Variants in ANXA13 observed in about 807,000 individuals in gnomAD.
ANXA13 encodes annexin A13.
ANXA13 carries 36 observed loss-of-function variants against 46.6 expected under a neutral mutation model. The observed-to-expected ratio is 0.77, with a 90% CI of 0.59 to 1.02. The LOEUF (loss-of-function observed/expected upper bound fraction) is 1.02. Ranked by LOEUF, ANXA13 falls within the 50% of genes least tolerant of loss-of-function variation. ANXA13 has a pLI of 0.00. For synonymous variants in ANXA13, 163 were observed against 152.9 expected (o/e 1.07, Z -0.49); for missense variants, 417 against 396.5 (o/e 1.05, Z -0.44).
At chr8:123,726,463 G>A (rs1813995574) in intron 1 of ANXA13, among the ~76,000 whole-genome samples, 2 of 152,232 alleles carry the variant, frequency 1.3e-5, no homozygotes, top group Non-Finnish European at 2.9e-5. Flanking sequence ...ATCCTGCCAT[G>A]CACTGAGCTG....
intron 1 of ANXA13, chr8:123,735,614 A>G (rs1814243152): frequency 9.0e-7 from 1 of 1,112,330 alleles, no homozygotes; most frequent in Non-Finnish European, 1.2e-6. Context: ...GCAGGGAAAG[A>G]TTTCCCTGCT....
At chr8:123,684,972 G>T (rs925593546) in intron 9 of ANXA13, among the ~76,000 whole-genome samples, 11 of 152,180 alleles carry the variant, frequency 7.2e-5, no homozygotes, top group Non-Finnish European at 1.5e-5. Flanking sequence ...TGGCATCCTC[G>T]GGCCCTCCCG....
chr8:123,693,012 C>A (rs1230276101), intron 8 of ANXA13, among the ~76,000 whole-genome samples, 185 bp downstream of exon 8: 1 of 152,194 alleles, frequency 6.6e-6, no homozygotes, highest in Non-Finnish European at 1.5e-5. Context: ...CCACCACCCC[C>A]AGCTGTGACA....
rs753560730 is a variant in ANXA13 at position 123,684,676 on chromosome 8, G to A, written c.765C>T (p.Tyr255=). ...CGGTCCCCGCACCCTTCATCGACTT[G>A]TACAGACGTTCAGCAAAATAGTCCT... ...DCEDYFAERL[Y]KSMKGAGTDE... is the part of the protein sequence containing the mutation. The change falls in exon 10 of 11, where the codon TAC becomes TAT. Residue 255 remains tyrosine (Y), a synonymous_variant. Coordinates refer to ENST00000419625, the MANE Select transcript of ANXA13 (RefSeq NM_004306.4). 54 of 1,614,046 alleles carry A rather than the reference G, an allele frequency of 3.3e-5. No homozygotes were observed. Among genetic ancestry groups the A allele is most frequent in the Non-Finnish European group, 4.2e-5 (50 of 1,180,018 alleles).
chr8:123,734,389 C>T lies in ANXA13; in HGVS notation c.15+2931G>A, dbSNP rs563743265. On this transcript the variant is annotated intron_variant, in intron 1 of 10. Transcript: ENST00000419625. Reference sequence around the variant, plus strand: ...CTGTGTACACTCTACCTGCAAAGCTCACTGGACACAAGGACATGTCCTCCA... The same window carrying T: ...CTGTGTACACTCTACCTGCAAAGCTTACTGGACACAAGGACATGTCCTCCA... Among the ~76,000 whole-genome samples, 51 of 152,250 alleles carry T rather than the reference C, an allele frequency of 3.3e-4. 1 individual carries two copies. Among genetic ancestry groups the T allele is most frequent in the South Asian group, 6.2e-4 (3 of 4,820 alleles).
In ANXA13 at chr8:123,690,637, C is replaced by T. The variant is rs1011211271; in HGVS notation, c.643-1691G>A. On this transcript the variant is annotated intron_variant, in intron 8 of 10. Transcript: ENST00000419625. This position sits in a 1 kb window ranked among gnomAD's most constrained non-coding sequence, Gnocchi z 4.6. ...ACGTGATTCTTAGGGGCTCTTTGTACAGAAGCAGATTTTCTGATCTCAGTA... is the reference window on the plus strand; with the variant it reads ...ACGTGATTCTTAGGGGCTCTTTGTATAGAAGCAGATTTTCTGATCTCAGTA... Among the ~76,000 whole-genome samples, 3 of 152,200 alleles carry T rather than the reference C, an allele frequency of 2.0e-5. No homozygotes were observed. Among genetic ancestry groups the T allele is most frequent in the African/African-American group, 7.2e-5 (3 of 41,458 alleles).
intron 9 of ANXA13, 132 bp downstream of exon 9, chr8:123,688,739 C>G (rs1192307853): frequency 2.6e-6 from 2 of 757,080 alleles, no homozygotes; most frequent in East Asian, 5.2e-5. Flanking sequence ...CACTCTCTCT[C>G]TTGCTCAGTG....
intron 1 of ANXA13, among the ~76,000 whole-genome samples, chr8:123,722,196 A>G (rs1813887458): frequency 6.6e-6 from 1 of 151,956 alleles, no homozygotes; most frequent in Non-Finnish European, 1.5e-5. Flanking sequence ...AGTCCCAGCT[A>G]CTTGGGAGGC....
Position 123,708,536 on chromosome 8 carries a change from G to A in ANXA13, c.91+4142C>T, listed in dbSNP as rs186710536. 3.8e-4 allele frequency among the ~76,000 whole-genome samples: 58 copies of A among 152,302 alleles called. No homozygotes were observed. The East Asian group carries it at 7.1e-3, about 19-fold the overall frequency. On this transcript the variant is annotated intron_variant, in intron 2 of 10. Transcript: ENST00000419625. ...TCTTCTGCTAGCACTGCTGGGCCGC[G>A]CAGTCCCTCATTTCTCCTTTGGAAA...
intron 1 of ANXA13, among the ~76,000 whole-genome samples, chr8:123,730,340 C>T (rs192090628): frequency 3.3e-5 from 5 of 152,240 alleles, no homozygotes; most frequent in Non-Finnish European, 5.9e-5. Flanking sequence ...ACCAACATCA[C>T]CAGGGAACTC....
At chr8:123,737,153 A>C (rs997332303) in intron 1 of ANXA13, among the ~76,000 whole-genome samples, 167 bp downstream of exon 1, 1 of 151,686 alleles carries the variant, frequency 6.6e-6, no homozygotes, top group Admixed American at 6.6e-5. Context: ...GAGCCACCGC[A>C]CCCGGCCTCA....
intron 1 of ANXA13, among the ~76,000 whole-genome samples, chr8:123,726,779 G>A (rs149798350): frequency 3.3e-5 from 5 of 152,270 alleles, no homozygotes; most frequent in Admixed American, 2.0e-4. Flanking sequence ...CACAATTTGC[G>A]ATTGTAAAAG....
chr8:123,698,406 A>G lies in ANXA13; in HGVS notation c.340T>C (p.Cys114Arg). 6.2e-7 allele frequency: 1 copy of G among 1,614,160 alleles called. No individual in the cohort carries two copies. Among genetic ancestry groups the G allele is most frequent in the Middle Eastern group, 1.7e-4 (1 of 6,054 alleles). ...GGACTGACCTTATTGGTCCTCGTGC[A>G]CAGGACCTCAATGAGGACGGACTCA... ...TDESVLIEVL[C>R]TRTNKEIIAI... The change falls in exon 4 of 11, where the codon TGC (cysteine) becomes CGC (arginine). Residue 114 changes from cysteine (C) to arginine (R), a missense_variant. By Grantham distance (180) the Cys-to-Arg change is radical. Coordinates refer to ENST00000419625, the MANE Select transcript of ANXA13 (RefSeq NM_004306.4).
chr8:123,706,774 C>G (rs535324750), intron 2 of ANXA13, among the ~76,000 whole-genome samples: 1 of 152,328 alleles, frequency 6.6e-6, no homozygotes, highest in Non-Finnish European at 1.5e-5. Context: ...TGCAGGGGGG[C>G]CTATGGGGCC....
intron 8 of ANXA13, among the ~76,000 whole-genome samples, chr8:123,692,199 T>C (rs1445733217): frequency 6.6e-6 from 1 of 152,204 alleles, no homozygotes; most frequent in African/African-American, 2.4e-5. Context: ...CCGGGGAGTC[T>C]TGGAGTTCTC....
At chr8:123,708,533 C>T (rs567032942) in intron 2 of ANXA13, among the ~76,000 whole-genome samples, 46 of 152,282 alleles carry the variant, frequency 3.0e-4, no homozygotes, top group Middle Eastern at 6.8e-3. Context: ...ACTGCTGGGC[C>T]GCGCAGTCCC....
At chr8:123,723,453 G>A (rs1813924738) in intron 1 of ANXA13, among the ~76,000 whole-genome samples, 1 of 152,208 alleles carries the variant, frequency 6.6e-6, no homozygotes, top group Non-Finnish European at 1.5e-5. Context: ...TGGAATGTGG[G>A]TCTTTAAGTG....
rs118162083 is a variant in ANXA13, at chr8:123,723,075, A to G, written c.16-10322T>C. Among the ~76,000 whole-genome samples the G allele has an allele frequency of 5.4e-3, 829 of 152,332 alleles. 3 individuals are homozygous for G. The highest frequency in any genetic ancestry group is 9.0e-3 in the Non-Finnish European group (611 of 68,026). ...ATGGGTGCCTGCTTTCCAGCTGGAT[A>G]AATTGCCAAATATATTTATAGGTAA... On this transcript the variant is annotated intron_variant, in intron 1 of 10. Coordinates refer to ENST00000419625, the MANE Select transcript of ANXA13 (RefSeq NM_004306.4).
intron 3 of ANXA13, among the ~76,000 whole-genome samples, chr8:123,699,216 G>T (rs1813399807): frequency 6.6e-6 from 1 of 152,174 alleles, no homozygotes; most frequent in Non-Finnish European, 1.5e-5. Context: ...GGGTGACTTT[G>T]TCACCCAGGC....
Sources: allele counts gnomAD v4.1 joint callset (sites outside exome capture counted in the v4.1 genomes callset), GRCh38; gene constraint gnomAD v4.1.1; non-coding constraint Gnocchi (gnomAD v3.1); transcripts MANE v1.5; gene names NCBI Gene and HGNC (gene_info 2026-07-23, HGNC 2026-07-21).